The following OSBPL9 variants were observed in gnomAD, a reference collection of about 807,000 sequenced individuals.
The protein encoded by OSBPL9 is oxysterol-binding protein-related protein 9.
A neutral mutation model predicts 106.6 loss-of-function variants in OSBPL9; 40 were observed. That is an observed-to-expected ratio of 0.38 (90% CI 0.29 to 0.49). The LOEUF (loss-of-function observed/expected upper bound fraction) is 0.49, where lower values mean the gene tolerates loss of function less well. Among genes scored for constraint, OSBPL9 ranks in the 20% least tolerant of loss-of-function variants. OSBPL9 has a pLI of 0.97. For synonymous variants in OSBPL9, 269 were observed against 295.4 expected, an observed-to-expected ratio of 0.91 and a Z score of 0.92; for missense variants, 609 against 887.2, an observed-to-expected ratio of 0.69 and a Z score of 3.98.
chr1:51,686,987 A>G (rs751289230), intron 3 of OSBPL9, among the ~76,000 whole-genome samples: 2 of 152,218 alleles, frequency 1.3e-5, no homozygotes, highest in Non-Finnish European at 1.5e-5. Context: ...TGCTGACTCT[A>G]TAAGTGTTGT....
intron 2 of OSBPL9, among the ~76,000 whole-genome samples, chr1:51,666,144 G>A (rs1420672222): frequency 2.0e-5 from 3 of 152,162 alleles, no homozygotes; most frequent in East Asian, 3.8e-4. Context: ...CGCCGCACCC[G>A]GCCTCCGGAG....
intron 2 of OSBPL9, among the ~76,000 whole-genome samples, chr1:51,665,753 G>GT (rs1648307539): frequency 6.6e-6 from 1 of 152,304 alleles, no homozygotes; most frequent in African/African-American, 2.4e-5. Context: ...AGAGGGGAAA[G>GT]TGCAAAGGTC....
intron 4 of OSBPL9, among the ~76,000 whole-genome samples, chr1:51,721,446 A>C (rs1262388581): frequency 6.6e-6 from 1 of 152,200 alleles, no homozygotes; most frequent in East Asian, 1.9e-4. Flanking sequence ...CAGGTATGAT[A>C]ATTACATGTC....
At chr1:51,728,826 G>A (rs1459800899) in intron 4 of OSBPL9, among the ~76,000 whole-genome samples, 3 of 152,174 alleles carry the variant, frequency 2.0e-5, no homozygotes, top group Non-Finnish European at 4.4e-5. Context: ...CGCCTGGCCA[G>A]CATCGCGCTG....
chr1:51,672,380 CAA>C (rs1650087025), intron 3 of OSBPL9, among the ~76,000 whole-genome samples: 1 of 152,096 alleles, frequency 6.6e-6, no homozygotes, highest in Non-Finnish European at 1.5e-5. Flanking sequence ...AAAATGTACA[CAA>C]TATACAGTTA....
intron 3 of OSBPL9, chr1:51,707,148 G>T (rs1278100009): frequency 5.1e-6 from 2 of 389,794 alleles, no homozygotes; most frequent in Non-Finnish European, 5.2e-6. Flanking sequence ...CTCCTTGGAG[G>T]CCATGTGGAC....
chr1:51,647,245 G>A (rs1646218078), intron 1 of OSBPL9, among the ~76,000 whole-genome samples: 1 of 152,018 alleles, frequency 6.6e-6, no homozygotes, highest in Non-Finnish European at 1.5e-5. Flanking sequence ...CTTATACGTT[G>A]ACTCAACCTT....
intron 4 of OSBPL9, among the ~76,000 whole-genome samples, chr1:51,720,662 A>G (rs1426918812): frequency 6.6e-6 from 1 of 151,970 alleles, no homozygotes; most frequent in Non-Finnish European, 1.5e-5. Flanking sequence ...ACATCAGTTG[A>G]TATTTCAAAA....
chr1:51,635,418 GA>G (rs1645370033), intron 1 of OSBPL9, among the ~76,000 whole-genome samples: 1 of 152,120 alleles, frequency 6.6e-6, no homozygotes, highest in African/African-American at 2.4e-5. Context: ...CACTAATGTA[GA>G]TTACCTCTGC....
At chr1:51,551,355 A>T in the OSBPL9 span, among the ~76,000 whole-genome samples, 1 of 151,884 alleles carries the variant, frequency 6.6e-6, no homozygotes, top group Non-Finnish European at 1.5e-5. Flanking sequence ...CCTCTTCTTC[A>T]ATTCCCCAAA....
intron 1 of OSBPL9, among the ~76,000 whole-genome samples, chr1:51,619,125 C>G (rs565552750): frequency 6.6e-6 from 1 of 152,176 alleles, no homozygotes; most frequent in East Asian, 1.9e-4. Context: ...AAACCCATGG[C>G]TTAGATAAAG....
chr1:51,683,399 C>T (rs943571262), intron 3 of OSBPL9, among the ~76,000 whole-genome samples: 92 of 149,518 alleles, frequency 6.2e-4, no homozygotes, highest in African/African-American at 2.0e-3. Flanking sequence ...AGGCTGGTCT[C>T]GAACTGCTGA....
intron 11 of OSBPL9, among the ~76,000 whole-genome samples, chr1:51,765,211 C>G (rs1672318940): frequency 6.6e-6 from 1 of 152,080 alleles, no homozygotes; most frequent in Non-Finnish European, 1.5e-5. Context: ...GAAAAATGTT[C>G]TTCTGAATCT....
chr1:51,544,210 G>C, the OSBPL9 span, among the ~76,000 whole-genome samples: 3 of 152,294 alleles, frequency 2.0e-5, no homozygotes, highest in Admixed American at 1.3e-4. Flanking sequence ...GAGAGAAGAT[G>C]TGAAGCTAGC....
chr1:51,714,465 C>T (rs191840816), intron 4 of OSBPL9, among the ~76,000 whole-genome samples: 1 of 152,266 alleles, frequency 6.6e-6, no homozygotes, highest in East Asian at 1.9e-4. Context: ...AAGGATTTGG[C>T]TATTACCGTA....
chr1:51,519,012 G>A, the OSBPL9 span, among the ~76,000 whole-genome samples: 4 of 151,326 alleles, frequency 2.6e-5, no homozygotes, highest in Non-Finnish European at 4.4e-5. Flanking sequence ...GCGGCCGCAG[G>A]GGGGCTCCGG....
At chr1:51,574,240 T>C (rs564229263), upstream of OSBPL9, among the ~76,000 whole-genome samples, 5 of 152,340 alleles carry the variant, frequency 3.3e-5, no homozygotes, top group South Asian at 6.2e-4. Context: ...TACCAAGTAG[T>C]TGAGGCACTT....
chr1:51,527,602 C>A, the OSBPL9 span, among the ~76,000 whole-genome samples: 1 of 152,050 alleles, frequency 6.6e-6, no homozygotes, highest in East Asian at 1.9e-4. Context: ...CTATGTTGCC[C>A]AGGCTGGTCT....
chr1:51,767,883 T>A (rs1164802485), intron 12 of OSBPL9, among the ~76,000 whole-genome samples: 2 of 151,290 alleles, frequency 1.3e-5, no homozygotes, highest in African/African-American at 4.8e-5. Context: ...AGGTTATTAT[T>A]AATTTTTGAA....
Sources: allele counts gnomAD v4.1 joint callset (sites outside exome capture counted in the v4.1 genomes callset), GRCh38; gene constraint gnomAD v4.1.1; transcripts MANE v1.5; gene names NCBI Gene and HGNC (gene_info 2026-07-23, HGNC 2026-07-21).